CFAP20DC: variants seen among roughly 807,000 people sequenced by gnomAD.
The protein encoded by CFAP20DC is CFAP20 domain containing.
Under a neutral mutation model 101.7 loss-of-function variants are expected in CFAP20DC, and 84 were observed. The observed-to-expected ratio is 0.83, with a 90% CI of 0.69 to 0.99. The LOEUF (loss-of-function observed/expected upper bound fraction) is 0.99. CFAP20DC is among the 50% of genes least tolerant of loss of function. CFAP20DC has a pLI of 0.00. For synonymous variants in CFAP20DC, 359 were observed against 351.2 expected (o/e 1.02, Z -0.25); for missense variants, 1,007 against 970.3 (o/e 1.04, Z -0.50).
intron 12 of CFAP20DC, among the ~76,000 whole-genome samples, chr3:58,850,961 G>C (rs927343528): frequency 6.6e-6 from 1 of 152,166 alleles, no homozygotes; most frequent in African/African-American, 2.4e-5. Flanking sequence ...AGTGAAGCAT[G>C]GGTAAAGGTG....
chr3:58,878,098 A>T (rs562922682), intron 7 of CFAP20DC, among the ~76,000 whole-genome samples: 1 of 152,288 alleles, frequency 6.6e-6, no homozygotes, highest in East Asian at 1.9e-4. Context: ...TTAATTAAAA[A>T]CTTTCTTAGA....
At chr3:58,990,125 A>T (rs186201482) in intron 4 of CFAP20DC, among the ~76,000 whole-genome samples, 3 of 152,270 alleles carry the variant, frequency 2.0e-5, no homozygotes, top group Admixed American at 2.0e-4. Context: ...CCCTGGAAAC[A>T]CTCTGAACTG....
chr3:58,925,344 A>G (rs1185044475), intron 5 of CFAP20DC, among the ~76,000 whole-genome samples: 3 of 152,186 alleles, frequency 2.0e-5, no homozygotes, highest in Non-Finnish European at 4.4e-5. Flanking sequence ...TTCCTCCAGT[A>G]GTACTTATAA....
At chr3:58,933,112 G>C (rs1030643923) in intron 5 of CFAP20DC, among the ~76,000 whole-genome samples, 2 of 151,888 alleles carry the variant, frequency 1.3e-5, no homozygotes, top group Non-Finnish European at 2.9e-5. Context: ...AAAAGGCAGG[G>C]GTTGCAATCC....
intron 3 of CFAP20DC, chr3:58,734,466 G>A (rs912584655): frequency 2.4e-5 from 11 of 450,062 alleles, no homozygotes; most frequent in Non-Finnish European, 4.9e-5. Context: ...TTTACTGAGT[G>A]CTTACCATGT....
chr3:59,037,117 T>G lies in CFAP20DC; in HGVS notation c.278+2440A>C, dbSNP rs940621734. ...AACTGGACCCCTTCCTTACACCTTATACAAAAATTAACTCAAGATAGATTA... is the reference window on the plus strand; with the variant it reads ...AACTGGACCCCTTCCTTACACCTTAGACAAAAATTAACTCAAGATAGATTA... On this transcript the variant is annotated intron_variant, in intron 4 of 16. Transcript: ENST00000482387. Among the ~76,000 whole-genome samples, 11 of 152,298 alleles carry G rather than the reference T, an allele frequency of 7.2e-5. No individual in the cohort carries two copies. In the East Asian group the frequency reaches 1.7e-3, roughly 24 times the overall value.
chr3:59,026,758 T>C (rs546121904), intron 4 of CFAP20DC, among the ~76,000 whole-genome samples: 1 of 152,298 alleles, frequency 6.6e-6, no homozygotes, highest in Admixed American at 6.5e-5. Context: ...CAAAATTCAA[T>C]AGGGTAGAAG....
At chr3:58,840,869 A>T (rs916956694) in intron 13 of CFAP20DC, among the ~76,000 whole-genome samples, 1 of 152,240 alleles carries the variant, frequency 6.6e-6, no homozygotes. Context: ...TGAGGCTCCA[A>T]GACATTAAGA....
chr3:58,880,142 T>C (rs1401365560), intron 7 of CFAP20DC, among the ~76,000 whole-genome samples: 2 of 152,178 alleles, frequency 1.3e-5, no homozygotes, highest in Admixed American at 1.3e-4. Flanking sequence ...ATTAAAATTC[T>C]GTAATAGAGA....
chr3:58,862,574 C>T (rs2079340504), intron 12 of CFAP20DC: 2 of 985,420 alleles, frequency 2.0e-6, no homozygotes, highest in Non-Finnish European at 2.4e-6. Flanking sequence ...CCCAGAATTA[C>T]TGCTTAAACA....
rs143776206 is a variant in CFAP20DC, at chr3:58,801,050, T to TGAGAGAGA, written c.2237+5337_2237+5344dup. ...GGGTGGGGTGGGGGTGGGGAGTAAG[T>TGAGAGAGA]GAGAGAGAGAGAGAGAGAGAGAGAA... On this transcript the variant is annotated intron_variant, in intron 15 of 16. Coordinates refer to ENST00000482387, the MANE Select transcript of CFAP20DC (RefSeq NM_001394063.1). 9.3e-3 allele frequency among the ~76,000 whole-genome samples: 1,230 copies of TGAGAGAGA among 131,686 alleles called. 21 individuals are homozygous for TGAGAGAGA. Among genetic ancestry groups the TGAGAGAGA allele is most frequent in the African/African-American group, 0.035 (1,100 of 31,814 alleles). The allele number at this position is 131,686 out of a possible 152,430, so 86.4% of individuals were successfully genotyped here.
chr3:58,792,832 T>C (rs1053408997), intron 15 of CFAP20DC, among the ~76,000 whole-genome samples: 1 of 152,082 alleles, frequency 6.6e-6, no homozygotes, highest in Non-Finnish European at 1.5e-5. Context: ...TGTTAGAAGA[T>C]AAATTCTTGT....
At position 58,815,746 on chromosome 3, in the gene CFAP20DC, A is replaced by C. The variant is rs555913285; in HGVS notation, c.2176-9290T>G. Among the ~76,000 whole-genome samples the C allele has an allele frequency of 1.1e-4, 17 of 150,498 alleles. No homozygotes were observed. In the South Asian group the frequency reaches 3.6e-3, roughly 32 times the overall value. On this transcript the variant is annotated intron_variant, in intron 14 of 16. Transcript: ENST00000482387. Reference sequence around the variant, plus strand: ...AAAGAAGACATTTATGCAGCCAAAAAACACATGAAAAAATGCTCATCATCA... The same window carrying C: ...AAAGAAGACATTTATGCAGCCAAAACACACATGAAAAAATGCTCATCATCA...
At chr3:59,047,293 C>A (rs925678484) in intron 1 of CFAP20DC, 39 bp from the exon 2 acceptor site, 12 of 1,345,726 alleles carry the variant, frequency 8.9e-6, no homozygotes, top group African/African-American at 7.2e-5. Context: ...ACAATGCTAA[C>A]GAGGAAGTAT....
intron 5 of CFAP20DC, among the ~76,000 whole-genome samples, chr3:58,924,886 T>A (rs1361291616): frequency 1.3e-5 from 2 of 152,172 alleles, no homozygotes; most frequent in African/African-American, 2.4e-5. Flanking sequence ...TTTTGAGAAG[T>A]GCCTGTTCAC....
chr3:58,833,796 T>A (rs184782187), intron 13 of CFAP20DC, among the ~76,000 whole-genome samples: 2 of 152,276 alleles, frequency 1.3e-5, no homozygotes, highest in Admixed American at 1.3e-4. Flanking sequence ...TTATCCATAA[T>A]AGCCAAAAAG....
intron 5 of CFAP20DC, among the ~76,000 whole-genome samples, chr3:58,918,051 T>C (rs1336161192): frequency 4.6e-5 from 7 of 152,230 alleles, no homozygotes; most frequent in Admixed American, 3.9e-4. Flanking sequence ...TCTTTCACCA[T>C]GCTCCCTAAA....
At chr3:58,726,415 C>A (rs560909151) in intron 3 of CFAP20DC, 2 of 153,042 alleles carry the variant, frequency 1.3e-5, no homozygotes, top group African/African-American at 4.8e-5. Context: ...TCTCAAGGAT[C>A]CAGTCTGGCA....
At chr3:58,935,493 T>C (rs1327208800) in intron 5 of CFAP20DC, among the ~76,000 whole-genome samples, 1 of 151,762 alleles carries the variant, frequency 6.6e-6, no homozygotes, top group Non-Finnish European at 1.5e-5. Context: ...AGAACAAAGC[T>C]GGAGGTATCG....
Sources: allele counts gnomAD v4.1 joint callset (sites outside exome capture counted in the v4.1 genomes callset), GRCh38; gene constraint gnomAD v4.1.1; transcripts MANE v1.5; gene names NCBI Gene and HGNC (gene_info 2026-07-23, HGNC 2026-07-21).